FGL1: variants seen among roughly 807,000 people sequenced by gnomAD.
FGL1 encodes the protein fibrinogen-like protein 1.
FGL1 carries 59 observed loss-of-function variants against 43.7 expected under a neutral mutation model. The observed-to-expected ratio is 1.35, with a 90% CI of 1.10 to 1.68. FGL1 has a LOEUF of 1.68. Ranked by LOEUF, FGL1 falls within the 40% of genes most tolerant of loss-of-function variation. The pLI is 0.00. For missense variants in FGL1, 596 were observed against 373.0 expected (o/e 1.60, Z -4.92); for synonymous variants, 192 against 126.5 (o/e 1.52, Z -3.48).
chr8:17,878,385 A>T (rs1048934448), intron 3 of FGL1, among the ~76,000 whole-genome samples: 1 of 152,212 alleles, frequency 6.6e-6, no homozygotes, highest in Admixed American at 6.5e-5. Context: ...AGCTAGCAAG[A>T]TGGGCAGCTG....
intron 3 of FGL1, among the ~76,000 whole-genome samples, chr8:17,879,280 G>T (rs578089119): frequency 6.6e-6 from 1 of 151,836 alleles, no homozygotes; most frequent in African/African-American, 2.4e-5. Context: ...CCTTGGCATC[G>T]TAATTTCCAA....
rs756482122 is a variant in FGL1, at chr8:17,868,679, C to T, written c.648G>A (p.Ala216=). The change falls in exon 7 of 8, where the codon GCG becomes GCA. Residue 216 remains alanine (A), a synonymous_variant. Transcript: ENST00000427924. ...EYSGTAGDSL[A]GNFHPEVQWW... ...ACTGCACCTCAGGATGAAAATTCCC[C>T]GCAAGGGAATCTCCAGCTGTTCCAG... 8 of 1,613,660 alleles carry T rather than the reference C, an allele frequency of 5.0e-6. No individual in the cohort carries two copies. The highest frequency in any genetic ancestry group is 3.3e-5 in the Admixed American group (2 of 59,896).
rs11463824 is a variant in FGL1, at chr8:17,885,045, CT to C, written c.63+446del. On this transcript the variant is annotated intron_variant, in intron 2 of 7. Transcript: ENST00000427924. ...TTTTTATTTAAAAAAATGTAAAGCA[CT>C]TTTTTTTTTTTTGAGATGGAGTCTC... 2.2e-3 allele frequency among the ~76,000 whole-genome samples: 324 copies of C among 144,172 alleles called. 1 individual carries two copies. The highest frequency in any genetic ancestry group is 1.0e-2 in the East Asian group (50 of 5,004). The allele number at this position is 144,172 out of a possible 152,430, so 94.6% of individuals were successfully genotyped here. A position where few individuals can be genotyped will look rare whatever the true frequency, so the allele number is the denominator to read the frequency against.
intron 3 of FGL1, among the ~76,000 whole-genome samples, chr8:17,876,010 G>A (rs1174632502): frequency 6.6e-6 from 1 of 152,102 alleles, no homozygotes; most frequent in African/African-American, 2.4e-5. Context: ...GTGGCAAATG[G>A]GGACCTCTCT....
At chr8:17,864,787 C>T in intron 7 of FGL1, 36 bp from the exon 8 acceptor site, 1 of 1,419,664 alleles carries the variant, frequency 7.0e-7, no homozygotes, top group East Asian at 2.5e-5. Context: ...AAACAACAAT[C>T]AGACTGGAAA....
intron 3 of FGL1, among the ~76,000 whole-genome samples, chr8:17,881,630 G>A (rs1306880089): frequency 1.3e-5 from 2 of 151,040 alleles, no homozygotes; most frequent in East Asian, 2.0e-4. Flanking sequence ...TCAGGTGATC[G>A]AGACCATCCT....
intron 1 of FGL1, among the ~76,000 whole-genome samples, chr8:17,886,374 A>G (rs1201517578): frequency 6.6e-6 from 1 of 152,206 alleles, no homozygotes; most frequent in African/African-American, 2.4e-5. Flanking sequence ...ATGAGTGAAG[A>G]AAAAGTTTAA....
rs144395031 is a variant in FGL1 at position 17,873,093 on chromosome 8, A to C, written c.502+926T>G. On this transcript the variant is annotated intron_variant, in intron 5 of 7. Transcript: ENST00000427924. ...GACATTTCATATATTATAGTGTTTTATTGGAAAAATAGCACCAATTGCCCA... is the reference window on the plus strand; with the variant it reads ...GACATTTCATATATTATAGTGTTTTCTTGGAAAAATAGCACCAATTGCCCA... Among the ~76,000 whole-genome samples the C allele has an allele frequency of 2.6e-4, 39 of 152,242 alleles. No individual in the cohort carries two copies. In the East Asian group the frequency reaches 4.8e-3, roughly 19 times the overall value.
chr8:17,880,018 T>C (rs2053511181), intron 3 of FGL1, among the ~76,000 whole-genome samples: 2 of 152,218 alleles, frequency 1.3e-5, no homozygotes, highest in African/African-American at 2.4e-5. Context: ...TGTATGTTCT[T>C]TTGGGATCAC....
At chr8:17,870,776 C>T (rs4921819) in intron 5 of FGL1, among the ~76,000 whole-genome samples, 6 of 151,846 alleles carry the variant, frequency 4.0e-5, no homozygotes, top group Non-Finnish European at 5.9e-5. Context: ...CATGGTGGCA[C>T]GTGCCTGTAA....
intron 3 of FGL1, among the ~76,000 whole-genome samples, chr8:17,876,111 G>C (rs778496966): frequency 6.6e-6 from 1 of 152,096 alleles, no homozygotes; most frequent in East Asian, 1.9e-4. Flanking sequence ...ACAAACATTT[G>C]AATAAAAATA....
At chr8:17,867,678 A>C (rs2053290566) in intron 7 of FGL1, among the ~76,000 whole-genome samples, 1 of 152,228 alleles carries the variant, frequency 6.6e-6, no homozygotes, top group Non-Finnish European at 1.5e-5. Context: ...GTCTTGGGGC[A>C]GGGAGGGCTT....
At chr8:17,868,070 A>C (rs1289831568) in intron 7 of FGL1, among the ~76,000 whole-genome samples, 1 of 152,226 alleles carries the variant, frequency 6.6e-6, no homozygotes, top group Non-Finnish European at 1.5e-5. Flanking sequence ...GATTATTGTA[A>C]AGGAAATTTC....
At chr8:17,864,883 A>G in intron 7 of FGL1, 132 bp from the exon 8 acceptor site, 1 of 684,552 alleles carries the variant, frequency 1.5e-6, no homozygotes, top group East Asian at 3.3e-5. Flanking sequence ...ACAAGTAAAT[A>G]TTTACTAGTT....
At chr8:17,891,595 A>G in intron 1 of FGL1, 1 of 682,278 alleles carries the variant, frequency 1.5e-6, no homozygotes, top group Non-Finnish European at 1.8e-6. Flanking sequence ...AAAGTTAGGA[A>G]TGTACATGTT....
intron 1 of FGL1, among the ~76,000 whole-genome samples, chr8:17,894,621 C>T (rs1280638876): frequency 2.0e-5 from 3 of 146,520 alleles, no homozygotes; most frequent in Admixed American, 6.7e-5. Flanking sequence ...CTATCATTTA[C>T]GTCAAACTCC....
rs372872546 is a variant in FGL1, at chr8:17,893,813, C to T, written c.-18+1634G>A. 3.4e-5 allele frequency among the ~76,000 whole-genome samples: 5 copies of T among 147,230 alleles called. No homozygotes were observed. In the East Asian group the frequency reaches 9.6e-4, roughly 28 times the overall value. On this transcript the variant is annotated intron_variant, in intron 1 of 7. Coordinates refer to ENST00000427924, the MANE Select transcript of FGL1 (RefSeq NM_004467.4). ...CTTTGAAATTCTGGTCTCCATCATT[C>T]ATTATAGTAAACCATTATTTCTTCT...
At chr8:17,867,879 G>A (rs1020183228) in intron 7 of FGL1, among the ~76,000 whole-genome samples, 1 of 152,172 alleles carries the variant, frequency 6.6e-6, no homozygotes, top group African/African-American at 2.4e-5. Flanking sequence ...AGACCTGCCT[G>A]GGCAACATGG....
At chr8:17,893,115 T>C (rs952302553) in intron 1 of FGL1, among the ~76,000 whole-genome samples, 2 of 152,120 alleles carry the variant, frequency 1.3e-5, no homozygotes, top group Admixed American at 1.3e-4. Context: ...GCATGAGAAT[T>C]GCTTGAACCT....
Sources: allele counts gnomAD v4.1 joint callset (sites outside exome capture counted in the v4.1 genomes callset), GRCh38; gene constraint gnomAD v4.1.1; transcripts MANE v1.5; gene names NCBI Gene and HGNC (gene_info 2026-07-23, HGNC 2026-07-21).